RYR3: variants seen among roughly 807,000 people sequenced by gnomAD.
RYR3 encodes the protein ryanodine receptor 3.
RYR3 carries 207 observed loss-of-function variants against 584.3 expected under a neutral mutation model. The ratio of observed to expected loss-of-function variants is 0.35; its 90% CI spans 0.32 to 0.40. The LOEUF (loss-of-function observed/expected upper bound fraction) is 0.40. Among genes scored for constraint, RYR3 ranks in the 10% least tolerant of loss-of-function variants. The pLI is 1.00. For synonymous variants in RYR3, 2,416 were observed against 2,248.5 expected (o/e 1.07, Z -2.11); for missense variants, 5,616 against 6,089.2 (o/e 0.92, Z 2.59).
intron 1 of RYR3, among the ~76,000 whole-genome samples, chr15:33,357,931 C>T (rs960186315): frequency 6.6e-6 from 1 of 152,230 alleles, no homozygotes; most frequent in African/African-American, 2.4e-5. Context: ...AGAAGGAGGG[C>T]TGTGTCCAAA....
intron 3 of RYR3, among the ~76,000 whole-genome samples, chr15:33,514,839 A>C (rs1033300552): frequency 2.0e-5 from 3 of 151,818 alleles, no homozygotes; most frequent in Non-Finnish European, 4.4e-5. Flanking sequence ...ATCTCTACTA[A>C]AAATACAAAA....
chr15:33,326,455 A>G (rs1054975135), intron 1 of RYR3, among the ~76,000 whole-genome samples: 3 of 152,254 alleles, frequency 2.0e-5, no homozygotes, highest in Non-Finnish European at 2.9e-5. Flanking sequence ...ACAAGAAAGC[A>G]GAACAAAAAT....
At chr15:33,671,061 C>G (rs561664194) in intron 38 of RYR3, among the ~76,000 whole-genome samples, 2 of 152,126 alleles carry the variant, frequency 1.3e-5, no homozygotes, top group Admixed American at 6.5e-5. Context: ...ATCCTAGAAA[C>G]TTTGACTTCC....
At chr15:33,846,566 G>C (rs529576240) in intron 93 of RYR3, among the ~76,000 whole-genome samples, 70 of 152,212 alleles carry the variant, frequency 4.6e-4, no homozygotes, top group African/African-American at 1.6e-3. Flanking sequence ...CTTCTTCCCA[G>C]GAAGAGTCCA....
chr15:33,782,790 C>T (rs949177500), intron 65 of RYR3, among the ~76,000 whole-genome samples: 2 of 152,202 alleles, frequency 1.3e-5, no homozygotes, highest in African/African-American at 4.8e-5. Context: ...AGATTAGTAT[C>T]TTTGATGCCC....
chr15:33,316,270 C>A (rs1003767198), intron 1 of RYR3, among the ~76,000 whole-genome samples: 7 of 152,252 alleles, frequency 4.6e-5, no homozygotes, highest in Non-Finnish European at 7.4e-5. Flanking sequence ...AGAAAGGAAT[C>A]TTTATTTTAT....
chr15:33,663,580 A>T lies in RYR3; in HGVS notation c.5462A>T (p.His1821Leu). 6.2e-7 allele frequency: 1 copy of T among 1,613,916 alleles called. No individual in the cohort carries two copies. Among genetic ancestry groups the T allele is most frequent in the Middle Eastern group, 1.7e-4 (1 of 6,050 alleles). ...LSYLCDCELQ[H>L]RVEAIVAFGD... ...TATCTCTGCGACTGTGAGCTGCAGC[A>T]CCGAGTGGAGGCCATTGTGGCATTT... Residue 1821 changes from histidine to leucine, a missense_variant, in exon 36 of 104, where the codon CAC becomes CTC. Coordinates refer to ENST00000634891, the MANE Select transcript of RYR3 (RefSeq NM_001036.6).
At chr15:33,653,921 A>G (rs1429362930) in intron 32 of RYR3, among the ~76,000 whole-genome samples, 1 of 152,220 alleles carries the variant, frequency 6.6e-6, no homozygotes, top group Non-Finnish European at 1.5e-5. Flanking sequence ...ATACTTCAGA[A>G]AGAAACCTAT....
intron 29 of RYR3, among the ~76,000 whole-genome samples, chr15:33,647,124 A>G (rs1207708162): frequency 6.6e-6 from 1 of 152,322 alleles, no homozygotes; most frequent in East Asian, 1.9e-4. Context: ...ACTTGTGAGA[A>G]TAGGATAACC....
intron 42 of RYR3, among the ~76,000 whole-genome samples, chr15:33,702,162 G>A (rs1596237030): frequency 6.6e-6 from 1 of 152,190 alleles, no homozygotes; most frequent in East Asian, 1.9e-4. Context: ...CAGTGGCACA[G>A]CCAGGCATCG....
In RYR3 at chr15:33,845,057, C is replaced by A. The variant is rs765248529; in HGVS notation, c.13492C>A (p.Leu4498Met). 6.2e-7 allele frequency: 1 copy of A among 1,613,880 alleles called. No individual in the cohort carries two copies. The highest frequency in any genetic ancestry group is 8.5e-7 in the Non-Finnish European group (1 of 1,179,850). Reference sequence around the variant, plus strand: ...AGTCTGTGTGGTGGGCTACTACTGCCTGAAGGTGAGCTGTTTGCCACTCTG... The same window carrying A: ...AGTCTGTGTGGTGGGCTACTACTGCATGAAGGTGAGCTGTTTGCCACTCTG... Reference protein sequence around the residue: ...SLVCVVGYYCLKVPLVVFKRE... With the variant: ...SLVCVVGYYCMKVPLVVFKRE... Residue 4498 changes from leucine to methionine, a missense_variant, in exon 93 of 104, where the codon CTG (leucine) becomes ATG (methionine). This residue lies in a region of RYR3 where 918 missense variants were observed against 887.4 expected (regional missense o/e 1.03). Coordinates refer to ENST00000634891, the MANE Select transcript of RYR3 (RefSeq NM_001036.6).
Position 33,838,840 on chromosome 15 carries a change from A to C in RYR3, c.12860A>C (p.Lys4287Thr), listed in dbSNP as rs1465791859. ...TCAGACCTCTTTGGACTCCACCCAA[A>C]GAAAGAGGGCAGCTTAAAGCATGGG... ...IMSDLFGLHP[K>T]KEGSLKHGPE... The change falls in exon 89 of 104, where the codon AAG becomes ACG. Residue 4287 changes from lysine to threonine, a missense_variant. Transcript: ENST00000634891. The C allele has an allele frequency of 1.2e-5, 19 of 1,614,000 alleles. No homozygotes were observed. The highest frequency in any genetic ancestry group is 1.6e-5 in the Non-Finnish European group (19 of 1,179,876).
chr15:33,588,614 A>G (rs1303710167), intron 16 of RYR3, among the ~76,000 whole-genome samples: 1 of 152,038 alleles, frequency 6.6e-6, no homozygotes, highest in Non-Finnish European at 1.5e-5. Context: ...CCCCTCCCAC[A>G]CTTCCAAGTT....
chr15:33,508,971 G>A (rs934154780), intron 3 of RYR3, among the ~76,000 whole-genome samples: 3 of 152,124 alleles, frequency 2.0e-5, no homozygotes, highest in Admixed American at 1.3e-4. Flanking sequence ...CTTGTAAACG[G>A]CCAGTGAAGC....
intron 74 of RYR3, chr15:33,813,812 T>C (rs2076668893): frequency 2.4e-6 from 1 of 408,642 alleles, no homozygotes; most frequent in Non-Finnish European, 4.4e-6. Flanking sequence ...TCACCATTTG[T>C]ACCCTAAAGT....
At chr15:33,689,811 C>T (rs928962540) in intron 38 of RYR3, among the ~76,000 whole-genome samples, 2 of 152,098 alleles carry the variant, frequency 1.3e-5, no homozygotes, top group African/African-American at 2.4e-5. Flanking sequence ...CAGTTTTACT[C>T]ATTATTTTAC....
At chr15:33,821,723 C>A (rs1020681788) in intron 80 of RYR3, 121 bp downstream of exon 80, 2 of 898,972 alleles carry the variant, frequency 2.2e-6, no homozygotes, top group African/African-American at 3.3e-5. Context: ...ACTTAGCTCA[C>A]GTTTGTCCTT....
rs751914670 is a variant in RYR3, at chr15:33,838,084, T to C, written c.12104T>C (p.Met4035Thr). Residue 4035 changes from methionine to threonine, a missense_variant, in exon 89 of 104, where the codon ATG (methionine) becomes ACG (threonine). Coordinates refer to ENST00000634891, the MANE Select transcript of RYR3 (RefSeq NM_001036.6). ...FEPYLGRIEI[M>T]GGAKKIERVY... is the part of the protein sequence containing the mutation. ...CCCTACCTAGGACGCATCGAGATCATGGGTGGGGCCAAGAAGATTGAGCGT... is the reference window on the plus strand; with the variant it reads ...CCCTACCTAGGACGCATCGAGATCACGGGTGGGGCCAAGAAGATTGAGCGT... The C allele has an allele frequency of 1.2e-6, 2 of 1,613,896 alleles. No individual in the cohort carries two copies. The highest frequency in any genetic ancestry group is 1.1e-5 in the South Asian group (1 of 91,062).
At chr15:33,602,148 C>T (rs2059694566) in intron 17 of RYR3, among the ~76,000 whole-genome samples, 1 of 152,206 alleles carries the variant, frequency 6.6e-6, no homozygotes, top group Non-Finnish European at 1.5e-5. Flanking sequence ...CACACTAATC[C>T]ACAATGGCAA....
Sources: allele counts gnomAD v4.1 joint callset (sites outside exome capture counted in the v4.1 genomes callset), GRCh38; gene constraint gnomAD v4.1.1; regional missense constraint gnomAD v4.1.1; transcripts MANE v1.5; gene names NCBI Gene and HGNC (gene_info 2026-07-23, HGNC 2026-07-21).